The following FNDC3B variants were observed in gnomAD, a reference collection of about 807,000 sequenced individuals.
FNDC3B encodes the protein fibronectin type III domain containing 3B, also known as fibronectin type III domain-containing protein 3B.
Under a neutral mutation model 151.5 loss-of-function variants are expected in FNDC3B, and 12 were observed. The observed-to-expected ratio is 0.08, with a 90% confidence interval of 0.05 to 0.13. The LOEUF is 0.13. Ranked by LOEUF, FNDC3B falls within the 10% of genes least tolerant of loss-of-function variation. The pLI is 1.00. For synonymous variants in FNDC3B, 528 were observed against 549.0 expected, an observed-to-expected ratio of 0.96 and a Z score of 0.54; for missense variants, 1,214 against 1,505.3, an observed-to-expected ratio of 0.81 and a Z score of 3.20.
chr3:172,179,980 T>C (rs1326077429), intron 3 of FNDC3B, among the ~76,000 whole-genome samples: 1 of 152,086 alleles, frequency 6.6e-6, no homozygotes, highest in Non-Finnish European at 1.5e-5. Flanking sequence ...GTTTTTACAT[T>C]TCACAGTTGT....
intron 3 of FNDC3B, among the ~76,000 whole-genome samples, chr3:172,135,928 G>T (rs1464890185): frequency 6.6e-6 from 1 of 152,224 alleles, no homozygotes; most frequent in Non-Finnish European, 1.5e-5. Context: ...ACAAGTTGCT[G>T]TGTCATCCTC....
chr3:172,242,490 G>T (rs1727549747), intron 4 of FNDC3B, among the ~76,000 whole-genome samples: 1 of 152,186 alleles, frequency 6.6e-6, no homozygotes, highest in Non-Finnish European at 1.5e-5. Flanking sequence ...TGACTTCTGT[G>T]CACCCGCAGG....
intron 3 of FNDC3B, among the ~76,000 whole-genome samples, chr3:172,142,497 C>T (rs958953718): frequency 1.3e-5 from 2 of 152,166 alleles, no homozygotes; most frequent in African/African-American, 4.8e-5. Context: ...CGAGCAGTGT[C>T]GCATTACCTC....
At chr3:172,063,305 C>G (rs1717313410) in intron 1 of FNDC3B, among the ~76,000 whole-genome samples, 1 of 152,238 alleles carries the variant, frequency 6.6e-6, no homozygotes, top group Admixed American at 6.5e-5. Context: ...CATTGTCCTT[C>G]TGTTCAGATT....
chr3:172,071,646 G>A (rs913596469), intron 1 of FNDC3B, among the ~76,000 whole-genome samples: 1 of 152,108 alleles, frequency 6.6e-6, no homozygotes, highest in African/African-American at 2.4e-5. Context: ...ATTGTGGCTA[G>A]TGAATCTTAG....
At chr3:172,282,615 G>C (rs1434035275) in intron 6 of FNDC3B, among the ~76,000 whole-genome samples, 2 of 152,178 alleles carry the variant, frequency 1.3e-5, no homozygotes, top group Non-Finnish European at 2.9e-5. Flanking sequence ...CCTTTTCTAA[G>C]TTAAAAGCAA....
chr3:172,245,854 T>C (rs1179615341), intron 4 of FNDC3B, among the ~76,000 whole-genome samples: 1 of 152,230 alleles, frequency 6.6e-6, no homozygotes, highest in East Asian at 1.9e-4. Context: ...ATAGGTAATA[T>C]TATCTTATTT....
intron 4 of FNDC3B, among the ~76,000 whole-genome samples, chr3:172,227,975 GA>G (rs1047280482): frequency 1.7e-4 from 26 of 152,170 alleles, no homozygotes; most frequent in Non-Finnish European, 3.2e-4. Flanking sequence ...ATCCTTCTCT[GA>G]TATAAAAACT....
intron 3 of FNDC3B, among the ~76,000 whole-genome samples, chr3:172,180,666 G>T (rs1225252030): frequency 6.6e-6 from 1 of 152,206 alleles, no homozygotes; most frequent in Admixed American, 6.5e-5. Flanking sequence ...GTTAGCTAGC[G>T]GGTTTGATCC....
At chr3:172,329,190 G>A in intron 12 of FNDC3B, 114 bp downstream of exon 12, 2 of 1,268,212 alleles carry the variant, frequency 1.6e-6, no homozygotes, top group Non-Finnish European at 1.1e-6. Context: ...AAATCAACTG[G>A]AGGTTTTCCA....
At chr3:172,049,536 C>CT (rs923783967) in intron 1 of FNDC3B, among the ~76,000 whole-genome samples, 4 of 151,742 alleles carry the variant, frequency 2.6e-5, no homozygotes, top group East Asian at 1.9e-4. Context: ...TTTTTTGTTT[C>CT]TTTTTTTTGA....
chr3:172,051,176 C>T (rs182531129), intron 1 of FNDC3B, among the ~76,000 whole-genome samples: 16 of 151,454 alleles, frequency 1.1e-4, no homozygotes, highest in South Asian at 4.2e-4. Flanking sequence ...CTCTGCCTCC[C>T]GGTTTCAAGC....
intron 3 of FNDC3B, among the ~76,000 whole-genome samples, chr3:172,161,099 T>C (rs1333059594): frequency 6.6e-6 from 1 of 152,236 alleles, no homozygotes; most frequent in African/African-American, 2.4e-5. Flanking sequence ...AATTTCTTAG[T>C]TGTGTTCATT....
At chr3:172,044,296 T>G (rs1221436825) in intron 1 of FNDC3B, among the ~76,000 whole-genome samples, 1 of 148,668 alleles carries the variant, frequency 6.7e-6, no homozygotes, top group Non-Finnish European at 1.5e-5. Flanking sequence ...TTTTTTTTTT[T>G]TTTTTTGGTG....
At chr3:172,065,118 G>A (rs1717425462) in intron 1 of FNDC3B, among the ~76,000 whole-genome samples, 1 of 152,186 alleles carries the variant, frequency 6.6e-6, no homozygotes, top group Admixed American at 6.5e-5. Context: ...CGGATCATGA[G>A]GTCAGGAGTT....
chr3:172,379,072 C>T (rs548507336), intron 24 of FNDC3B, among the ~76,000 whole-genome samples: 3 of 152,314 alleles, frequency 2.0e-5, no homozygotes, highest in African/African-American at 7.2e-5. Context: ...CTTCTTCCAC[C>T]GGGTCTGCTG....
intron 1 of FNDC3B, among the ~76,000 whole-genome samples, chr3:172,083,714 A>G (rs774775920): frequency 4.6e-5 from 7 of 152,216 alleles, no homozygotes; most frequent in African/African-American, 7.2e-5. Context: ...TGGGTAGAAA[A>G]TATAAAGAAC....
At chr3:172,249,469 A>C (rs1012114776) in intron 5 of FNDC3B, among the ~76,000 whole-genome samples, 1 of 152,206 alleles carries the variant, frequency 6.6e-6, no homozygotes, top group Non-Finnish European at 1.5e-5. Flanking sequence ...TTTCAAATTA[A>C]AGCAGTAAAA....
intron 11 of FNDC3B, among the ~76,000 whole-genome samples, chr3:172,322,840 C>G (rs1732156882): frequency 6.6e-6 from 1 of 151,002 alleles, no homozygotes; most frequent in Non-Finnish European, 1.5e-5. Flanking sequence ...CAGTGGCTCT[C>G]AAATACCAAT....
Sources: allele counts gnomAD v4.1 joint callset (sites outside exome capture counted in the v4.1 genomes callset), GRCh38; gene constraint gnomAD v4.1.1; transcripts MANE v1.5; gene names NCBI Gene and HGNC (gene_info 2026-07-23, HGNC 2026-07-21).